ZNF165: variants seen among roughly 807,000 people sequenced by gnomAD.
The protein encoded by ZNF165 is cancer/testis antigen 53.
A neutral mutation model predicts 19.6 loss-of-function variants in ZNF165; 14 were observed. That is an observed-to-expected ratio of 0.71 (90% CI 0.47 to 1.12). The LOEUF is 1.12. ZNF165 is among the 50% of genes most tolerant of loss of function. ZNF165 has a pLI of 0.00. For synonymous variants in ZNF165, 165 were observed against 195.0 expected (o/e 0.85, Z 1.28); for missense variants, 504 against 566.3 (o/e 0.89, Z 1.12).
At position 28,088,978 on chromosome 6, in the gene ZNF165, T is replaced by C. The variant is rs1219531763; in HGVS notation, c.966T>C (p.Tyr322=). 5 of 1,614,150 alleles carry C rather than the reference T, an allele frequency of 3.1e-6. No individual in the cohort carries two copies. Among genetic ancestry groups the C allele is most frequent in the Non-Finnish European group, 4.2e-6 (5 of 1,180,008 alleles). ...ATGCTGGAGAAAAAAATCACCAATATGGAAAATCTTTCAAGAGCCCAAAAC... is the reference window on the plus strand; with the variant it reads ...ATGCTGGAGAAAAAAATCACCAATACGGAAAATCTTTCAAGAGCCCAAAAC... ...IIYAGEKNHQ[Y]GKSFKSPKLA... is the part of the protein sequence containing the mutation. The change falls in exon 4 of 4, where the codon TAT becomes TAC. Residue 322 remains tyrosine, a synonymous_variant. Coordinates refer to ENST00000683778, the MANE Select transcript of ZNF165 (RefSeq NM_001376491.1).
upstream of ZNF165, chr6:28,080,543 A>AT (rs34237199): frequency 0.18 from 20,328 of 111,868 alleles, 2,012 homozygotes; most frequent in Middle Eastern, 0.24. Flanking sequence ...ACGCCCGGCA[A>AT]TTTTTTTTTT....
Position 28,088,634 on chromosome 6 carries a change from ATATC to A in ZNF165, c.624_627del (p.Ile208MetfsTer25). 1 of 1,613,882 alleles carries A rather than the reference ATATC, an allele frequency of 6.2e-7. No homozygotes were observed. On this transcript the variant is annotated frameshift_variant, in exon 4 of 4. Coordinates refer to ENST00000683778, the MANE Select transcript of ZNF165 (RefSeq NM_001376491.1). LOFTEE classifies it low-confidence loss of function (END_TRUNC). Reference sequence around the variant, plus strand: ...TGAAAAAATTGAATCACAGAGAATTATATCTGGAAGAATCTCAGGATACATATCA... The same window carrying A: ...TGAAAAAATTGAATCACAGAGAATTATGGAAGAATCTCAGGATACATATCA...
Position 28,089,399 on chromosome 6 carries a change from A to G in ZNF165, c.1387A>G (p.Arg463Gly), listed in dbSNP as rs762743709. 3.7e-6 allele frequency: 6 copies of G among 1,614,082 alleles called. No individual in the cohort carries two copies. In the African/African-American group the frequency reaches 6.7e-5, roughly 18 times the overall value. ...EKPYECSECGRAFSQSSNLSQ... is the reference protein window; with the variant it reads ...EKPYECSECGGAFSQSSNLSQ... ...ACCCTATGAATGCAGTGAGTGTGGA[A>G]GAGCCTTCAGTCAGAGCTCAAACCT... The change falls in exon 4 of 4, where the codon AGA (arginine) becomes GGA (glycine). Residue 463 changes from arginine to glycine, a missense_variant. Coordinates refer to ENST00000683778, the MANE Select transcript of ZNF165 (RefSeq NM_001376491.1).
intron 1 of ZNF165, among the ~76,000 whole-genome samples, chr6:28,084,287 G>T (rs897836474): frequency 2.0e-5 from 3 of 152,150 alleles, no homozygotes; most frequent in Non-Finnish European, 4.4e-5. Flanking sequence ...CCAATGCTTT[G>T]CTTGTGATAA....
chr6:28,089,515 G>A lies in ZNF165; in HGVS notation c.*45G>A. The A allele has an allele frequency of 6.7e-7, 1 of 1,482,720 alleles. No homozygotes were observed. Among genetic ancestry groups the A allele is most frequent in the East Asian group, 2.4e-5 (1 of 42,030 alleles). 91.8% of individuals were successfully genotyped at this position (1,482,720 alleles called of 1,614,324 possible). On this transcript the variant is annotated 3_prime_UTR_variant, in exon 4 of 4. Transcript: ENST00000683778. ...AAATGCTGAGGAAATGGCACAATAT[G>A]AAAAATATTAAATAAAAAATAAATA...
intron 1 of ZNF165, among the ~76,000 whole-genome samples, 164 bp from the exon 2 acceptor site, chr6:28,085,317 T>A (rs1349670942): frequency 6.6e-6 from 1 of 152,226 alleles, no homozygotes; most frequent in Non-Finnish European, 1.5e-5. Flanking sequence ...CTTTTGCATA[T>A]AGTAAATGCC....
chr6:28,087,922 C>T (rs1287427567), intron 3 of ZNF165, among the ~76,000 whole-genome samples: 1 of 152,060 alleles, frequency 6.6e-6, no homozygotes, highest in Non-Finnish European at 1.5e-5. Flanking sequence ...AAGAAAAGTG[C>T]AGAGTCAAAA....
intron 1 of ZNF165, among the ~76,000 whole-genome samples, chr6:28,082,291 T>C (rs1290880852): frequency 9.2e-5 from 14 of 151,570 alleles, no homozygotes; most frequent in Admixed American, 9.2e-4. Context: ...AACTACCCTT[T>C]TCATGAATCT....
At position 28,089,075 on chromosome 6, in the gene ZNF165, C is replaced by T; in HGVS notation, c.1063C>T (p.His355Tyr). 2 of 1,614,088 alleles carry T rather than the reference C, an allele frequency of 1.2e-6. No homozygotes were observed. Among genetic ancestry groups the T allele is most frequent in the Non-Finnish European group, 1.7e-6 (2 of 1,180,000 alleles). Residue 355 changes from histidine to tyrosine, a missense_variant, in exon 4 of 4, where the codon CAC (histidine) becomes TAC (tyrosine). Transcript: ENST00000683778. ...QCNECGKAFR[H>Y]SSKLARHQRI... Reference sequence around the variant, plus strand: ...TAATGAATGTGGGAAAGCTTTCAGGCACAGCTCAAAACTTGCTAGGCATCA... The same window carrying T: ...TAATGAATGTGGGAAAGCTTTCAGGTACAGCTCAAAACTTGCTAGGCATCA...
intron 3 of ZNF165, among the ~76,000 whole-genome samples, chr6:28,086,997 A>G (rs1325787343): frequency 3.3e-5 from 5 of 152,232 alleles, no homozygotes; most frequent in African/African-American, 1.2e-4. Flanking sequence ...GAGAAATAGT[A>G]TATAATTCAC....
chr6:28,082,056 G>C (rs1764168370), intron 1 of ZNF165, among the ~76,000 whole-genome samples: 1 of 152,118 alleles, frequency 6.6e-6, no homozygotes. Flanking sequence ...CTTGGTTAGC[G>C]CATCTAGGAA....
intron 3 of ZNF165, 40 bp from the exon 4 acceptor site, chr6:28,088,523 G>A: frequency 2.0e-6 from 3 of 1,533,328 alleles, no homozygotes; most frequent in Non-Finnish European, 2.6e-6. Flanking sequence ...TTCTTTTCGT[G>A]CAGCAAACAG....
chr6:28,085,902 G>T lies in ZNF165; in HGVS notation c.411+11G>T. On this transcript the variant is annotated intron_variant, in intron 2 of 3. Coordinates refer to ENST00000683778, the MANE Select transcript of ZNF165 (RefSeq NM_001376491.1). The stretch of plus-strand genomic sequence containing the variant: ...GAAGCAGTACTCCAGGTGCACAGGG[G>T]ATGGGAGATCTAAGACCTCCATAAT... 6.2e-7 allele frequency: 1 copy of T among 1,604,696 alleles called. No individual in the cohort carries two copies. The highest frequency in any genetic ancestry group is 1.1e-5 in the South Asian group (1 of 90,738).
intron 3 of ZNF165, 27 bp downstream of exon 3, chr6:28,086,337 A>C: frequency 6.3e-7 from 1 of 1,593,472 alleles, no homozygotes. Flanking sequence ...CATATAGTGC[A>C]CATCACTAAA....
intron 1 of ZNF165, among the ~76,000 whole-genome samples, chr6:28,084,463 G>C (rs937382638): frequency 1.3e-5 from 2 of 152,142 alleles, no homozygotes; most frequent in African/African-American, 4.8e-5. Flanking sequence ...TTTGAGACCA[G>C]CTTGGCCAAC....
In ZNF165 at chr6:28,088,655, T is replaced by C; in HGVS notation, c.643T>C (p.Tyr215His). 6.2e-7 allele frequency: 1 copy of C among 1,614,180 alleles called. No individual in the cohort carries two copies. Among genetic ancestry groups the C allele is most frequent in the Non-Finnish European group, 8.5e-7 (1 of 1,180,018 alleles). Residue 215 changes from tyrosine to histidine, a missense_variant, in exon 4 of 4, where the codon TAC (tyrosine) becomes CAC (histidine). Transcript: ENST00000683778. ...AATTATATCTGGAAGAATCTCAGGA[T>C]ACATATCAGAAGCATCTGGTGAGTC... is the stretch of plus-strand genomic sequence containing the variant. ...QRIISGRISG[Y>H]ISEASGESQD...
In ZNF165 at chr6:28,089,258, A is replaced by C; in HGVS notation, c.1246A>C (p.Ile416Leu). The C allele has an allele frequency of 6.2e-7, 1 of 1,614,204 alleles. No individual in the cohort carries two copies. ...AGCATTCAACCTGAACTCACATCTT[A>C]TCAGGCATCAGAGAATTCACACCAG... is the stretch of plus-strand genomic sequence containing the variant. ...GRAFNLNSHL[I>L]RHQRIHTREK... is the part of the protein sequence containing the mutation. The change falls in exon 4 of 4, where the codon ATC becomes CTC. Residue 416 changes from isoleucine to leucine, a missense_variant. By Grantham distance (5) the Ile-to-Leu change is conservative. Coordinates refer to ENST00000683778, the MANE Select transcript of ZNF165 (RefSeq NM_001376491.1).
At position 28,088,574 on chromosome 6, in the gene ZNF165, G is replaced by A; in HGVS notation, c.562G>A (p.Glu188Lys). The A allele has an allele frequency of 6.3e-7, 1 of 1,586,650 alleles. No homozygotes were observed. The highest frequency in any genetic ancestry group is 8.5e-7 in the Non-Finnish European group (1 of 1,170,676). Residue 188 changes from glutamate (E) to lysine (K), a missense_variant, in exon 4 of 4, where the codon GAA becomes AAA. Glu to Lys is a moderately conservative substitution (Grantham distance 56). Coordinates refer to ENST00000683778, the MANE Select transcript of ZNF165 (RefSeq NM_001376491.1). The stretch of plus-strand genomic sequence containing the variant: ...CTTTTTTATTTTAGATAATGAGAGT[G>A]AAAACAGTAGATCCATGCCAAAGCT... ...QLLWDCDNES[E>K]NSRSMPKLEI...
chr6:28,085,945 G>A, intron 2 of ZNF165, 54 bp downstream of exon 2: 2 of 1,582,838 alleles, frequency 1.3e-6, no homozygotes, highest in African/African-American at 1.4e-5. Context: ...GTTCCACGGT[G>A]GGAGGAGAGG....
Sources: allele counts gnomAD v4.1 joint callset (sites outside exome capture counted in the v4.1 genomes callset), GRCh38; gene constraint gnomAD v4.1.1; transcripts MANE v1.5; gene names NCBI Gene and HGNC (gene_info 2026-07-23, HGNC 2026-07-21).